The following RAD54L2 variants were observed in gnomAD, a reference collection of about 807,000 sequenced individuals.
RAD54L2 encodes RAD54 like 2, also known as helicase ARIP4.
In RAD54L2, 27 loss-of-function variants were observed where a neutral mutation model predicts 138.4. The observed-to-expected ratio is 0.20, with a 90% CI of 0.14 to 0.27. The LOEUF (loss-of-function observed/expected upper bound fraction) is 0.27. Among genes scored for constraint, RAD54L2 ranks in the 10% least tolerant of loss-of-function variants. The pLI is 1.00. For synonymous variants in RAD54L2, 644 were observed against 723.2 expected (o/e 0.89, Z 1.76); for missense variants, 1,396 against 1,890.2 (o/e 0.74, Z 4.85).
At position 51,663,088 on chromosome 3, in the gene RAD54L2, A is replaced by G. The variant is rs766844538; in HGVS notation, c.4072A>G (p.Thr1358Ala). The change falls in exon 23 of 23, where the codon ACG becomes GCG. Residue 1358 changes from threonine to alanine, a missense_variant. By Grantham distance (58) the Thr-to-Ala change is moderately conservative. Around this residue, in one of 7 missense-constraint regions of RAD54L2, gnomAD observed 634 missense variants for 711.2 expected, o/e 0.89. Coordinates refer to ENST00000684192, the MANE Select transcript of RAD54L2 (RefSeq NM_015106.4). ...AGCAGGCCCCGTCAGTTCCTCTTCCACGGCTACCTCAGTCACTGCCAGCAA... is the reference window on the plus strand; with the variant it reads ...AGCAGGCCCCGTCAGTTCCTCTTCCGCGGCTACCTCAGTCACTGCCAGCAA... ...VPAGPVSSSSTATSVTASNPS... is the reference protein window; with the variant it reads ...VPAGPVSSSSAATSVTASNPS... The G allele has an allele frequency of 4.3e-6, 7 of 1,613,592 alleles. No individual in the cohort carries two copies. In the Middle Eastern group the frequency reaches 6.6e-4, roughly 152 times the overall value.
chr3:51,547,497 T>C (rs1553672544), intron 2 of RAD54L2, among the ~76,000 whole-genome samples: 1 of 152,074 alleles, frequency 6.6e-6, no homozygotes, highest in Non-Finnish European at 1.5e-5. Context: ...CCATCAATAG[T>C]AGGCGGAAAT....
At chr3:51,599,532 A>G (rs991552167) in intron 3 of RAD54L2, among the ~76,000 whole-genome samples, 1 of 152,004 alleles carries the variant, frequency 6.6e-6, no homozygotes. Context: ...GTGAAAAAAA[A>G]TAATCCAAGT....
Position 51,663,636 on chromosome 3 carries a change from T to G in RAD54L2, c.*216T>G. The G allele has an allele frequency of 1.3e-5, 6 of 471,732 alleles. No individual in the cohort carries two copies. The highest frequency in any genetic ancestry group is 7.0e-5 in the East Asian group (2 of 28,754). The allele number at this position is 471,732 out of a possible 1,614,324, so 29.2% of individuals were successfully genotyped here. ...AAAAAAAAGTCCAACACAGCAGCAATAGCGGGAAATCAGGGACCCAAAACA... is the reference window on the plus strand; with the variant it reads ...AAAAAAAAGTCCAACACAGCAGCAAGAGCGGGAAATCAGGGACCCAAAACA... On this transcript the variant is annotated 3_prime_UTR_variant, in exon 23 of 23. Transcript: ENST00000684192.
At position 51,594,066 on chromosome 3, in the gene RAD54L2, C is replaced by CTTTTTTTTTTTTTTTTTT. The variant is rs904101025; in HGVS notation, c.139+3512_139+3529dup. On this transcript the variant is annotated intron_variant, in intron 3 of 22. Coordinates refer to ENST00000684192, the MANE Select transcript of RAD54L2 (RefSeq NM_015106.4). Reference sequence around the variant, plus strand: ...TTAATTGTCTTTCTTTTTTCTTTTTCTTTTTTTTTTTTTTTTTTTTTTGAG... The same window carrying CTTTTTTTTTTTTTTTTTT: ...TTAATTGTCTTTCTTTTTTCTTTTTCTTTTTTTTTTTTTTTTTTTTTTTTTTTTTTTTTTTTTTTTGAG... 5.8e-4 allele frequency among the ~76,000 whole-genome samples: 61 copies of CTTTTTTTTTTTTTTTTTT among 105,114 alleles called. 1 individual carries two copies. Among genetic ancestry groups the CTTTTTTTTTTTTTTTTTT allele is most frequent in the Non-Finnish European group, 7.8e-4 (40 of 51,100 alleles). The allele number at this position is 105,114 out of a possible 152,430, so 69.0% of individuals were successfully genotyped here.
chr3:51,645,379 T>A lies in RAD54L2; in HGVS notation c.2656+150T>A. On this transcript the variant is annotated intron_variant, in intron 17 of 22. Transcript: ENST00000684192. This position sits in a 1 kb window ranked among gnomAD's most constrained non-coding sequence, Gnocchi z 6.1. The stretch of plus-strand genomic sequence containing the variant: ...CTATCTCATTCTGATTCAAATTGCT[T>A]AAAAGGTAATTGACCTCAACTTGTT... 9.9e-7 allele frequency: 1 copy of A among 1,013,364 alleles called. No homozygotes were observed. Among genetic ancestry groups the A allele is most frequent in the Non-Finnish European group, 1.4e-6 (1 of 696,214 alleles). 62.8% of individuals were successfully genotyped at this position (1,013,364 alleles called of 1,614,324 possible). A position where few individuals can be genotyped will look rare whatever the true frequency, so the allele number is the denominator to read the frequency against.
intron 15 of RAD54L2, 55 bp from the exon 16 acceptor site, chr3:51,643,820 G>T (rs1392340432): frequency 7.5e-7 from 1 of 1,328,244 alleles, no homozygotes; most frequent in Non-Finnish European, 1.1e-6. Context: ...CAGTGATTTT[G>T]CTGTATATCC....
intron 2 of RAD54L2, among the ~76,000 whole-genome samples, chr3:51,569,018 T>C (rs1285733697): frequency 2.6e-5 from 4 of 152,146 alleles, no homozygotes; most frequent in African/African-American, 9.7e-5. Context: ...GAGTTAAGGT[T>C]TCACTTATGT....
chr3:51,661,209 A>G (rs1164576646), intron 22 of RAD54L2, among the ~76,000 whole-genome samples: 1 of 149,386 alleles, frequency 6.7e-6, no homozygotes, highest in Non-Finnish European at 1.5e-5. Context: ...TGATCCACTC[A>G]CCTCGGTCTT....
chr3:51,652,774 C>T (rs561025995), intron 19 of RAD54L2, among the ~76,000 whole-genome samples: 14 of 152,190 alleles, frequency 9.2e-5, no homozygotes, highest in Admixed American at 7.2e-4. Context: ...ATACAAAAAT[C>T]AATTCAAGAT....
intron 2 of RAD54L2, among the ~76,000 whole-genome samples, chr3:51,578,008 A>G (rs1398332290): frequency 6.6e-6 from 1 of 152,064 alleles, no homozygotes; most frequent in Non-Finnish European, 1.5e-5. Context: ...CCACAGACCA[A>G]TTCTCAAAAT....
chr3:51,556,578 A>C, intron 2 of RAD54L2, among the ~76,000 whole-genome samples: 1 of 77,438 alleles, frequency 1.3e-5, no homozygotes. Flanking sequence ...TCTTTTATCT[A>C]TCTCTCTTTT....
At chr3:51,601,256 C>T (rs904026976) in intron 3 of RAD54L2, among the ~76,000 whole-genome samples, 3 of 151,314 alleles carry the variant, frequency 2.0e-5, no homozygotes, top group Non-Finnish European at 2.9e-5. Flanking sequence ...TTGTGATCCA[C>T]CCGCCTCAGC....
rs1701913847 is a variant in RAD54L2, at chr3:51,666,420, C to A, written c.*3000C>A. ...TCCAGGCCTGAGGGGGGCAGGGTGG[C>A]TGGTGATAAGAGGGAGGGCAGAAAA... is the stretch of plus-strand genomic sequence containing the variant. On this transcript the variant is annotated 3_prime_UTR_variant, in exon 23 of 23. Transcript: ENST00000684192. 1 of 151,814 alleles carries A rather than the reference C, an allele frequency of 6.6e-6. No homozygotes were observed. Among genetic ancestry groups the A allele is most frequent in the Non-Finnish European group, 1.5e-5 (1 of 67,964 alleles). The allele number at this position is 151,814 out of a possible 1,614,324, so 9.4% of individuals were successfully genotyped here.
Position 51,637,585 on chromosome 3 carries a change from A to T in RAD54L2, c.1682+82A>T. The T allele has an allele frequency of 2.9e-6, 4 of 1,370,342 alleles. No homozygotes were observed. The highest frequency in any genetic ancestry group is 3.9e-6 in the Non-Finnish European group (4 of 1,014,966). 84.9% of individuals were successfully genotyped at this position (1,370,342 alleles called of 1,614,324 possible). A position where few individuals can be genotyped will look rare whatever the true frequency, so the allele number is the denominator to read the frequency against. The stretch of plus-strand genomic sequence containing the variant: ...GCATGCCAAACCTGTTATACAGGAT[A>T]GGGTGTTGGAGTAGGAGGGCCCCTT... On this transcript the variant is annotated intron_variant, in intron 11 of 22. Coordinates refer to ENST00000684192, the MANE Select transcript of RAD54L2 (RefSeq NM_015106.4). The surrounding 1 kb of genome is among the most constrained non-coding windows in gnomAD (Gnocchi z 5.9).
At chr3:51,547,115 G>A (rs1218592299) in intron 2 of RAD54L2, among the ~76,000 whole-genome samples, 1 of 152,158 alleles carries the variant, frequency 6.6e-6, no homozygotes, top group Non-Finnish European at 1.5e-5. Flanking sequence ...GGGAGGCTGA[G>A]GTGGGAGGGT....
chr3:51,591,402 G>A (rs1022482959), intron 3 of RAD54L2, among the ~76,000 whole-genome samples: 3 of 152,122 alleles, frequency 2.0e-5, no homozygotes, highest in Non-Finnish European at 2.9e-5. Flanking sequence ...CTAATTACTT[G>A]AATCTGAAGG....
At chr3:51,660,690 C>T (rs1459730085) in intron 22 of RAD54L2, among the ~76,000 whole-genome samples, 1 of 150,018 alleles carries the variant, frequency 6.7e-6, no homozygotes, top group African/African-American at 2.5e-5. Flanking sequence ...GGTGCAATCT[C>T]GGCTCACTGC....
At chr3:51,577,371 C>T (rs938595369) in intron 2 of RAD54L2, among the ~76,000 whole-genome samples, 1 of 152,142 alleles carries the variant, frequency 6.6e-6, no homozygotes, top group Non-Finnish European at 1.5e-5. Context: ...CTGCTTGGTG[C>T]AGAGCTGAGT....
At chr3:51,613,696 C>T (rs1218070821) in intron 3 of RAD54L2, among the ~76,000 whole-genome samples, 2 of 141,508 alleles carry the variant, frequency 1.4e-5, no homozygotes, top group African/African-American at 5.3e-5. Context: ...ACCTGGGAGG[C>T]GGAGGTTGCA....
Sources: allele counts gnomAD v4.1 joint callset (sites outside exome capture counted in the v4.1 genomes callset), GRCh38; gene constraint gnomAD v4.1.1; regional missense constraint gnomAD v4.1.1; non-coding constraint Gnocchi (gnomAD v3.1); transcripts MANE v1.5; gene names NCBI Gene and HGNC (gene_info 2026-07-23, HGNC 2026-07-21).